VAV3: variants seen among roughly 807,000 people sequenced by gnomAD.
The protein encoded by VAV3 is vav guanine nucleotide exchange factor 3.
VAV3 carries 94 observed loss-of-function variants against 131.2 expected under a neutral mutation model. That is an observed-to-expected ratio of 0.72 (90% CI 0.61 to 0.85). The LOEUF is 0.85. Ranked by LOEUF, VAV3 falls within the 40% of genes least tolerant of loss-of-function variation. The pLI is 0.00. For synonymous variants in VAV3, 349 were observed against 342.0 expected, an observed-to-expected ratio of 1.02 and a Z score of -0.22; for missense variants, 939 against 1,002.7, an observed-to-expected ratio of 0.94 and a Z score of 0.86.
In VAV3 at chr1:107,681,944, G is replaced by A. The variant is rs560733719; in HGVS notation, c.1777+1544C>T. On this transcript the variant is annotated intron_variant, in intron 19 of 26. Transcript: ENST00000370056. ...CAAAGTGCTGGGATTACAGGCGTGA[G>A]CCACTGCACCCAGCCACGTATGTTC... Among the ~76,000 whole-genome samples the A allele has an allele frequency of 1.2e-4, 19 of 152,286 alleles. No homozygotes were observed. In the East Asian group the frequency reaches 2.5e-3, roughly 20 times the overall value.
At chr1:107,597,353 C>T (rs3790676) in intron 24 of VAV3, among the ~76,000 whole-genome samples, 110,581 of 151,952 alleles carry the variant, frequency 0.73, 40,914 homozygotes, top group Non-Finnish European at 0.8. Flanking sequence ...CAAAAATCAG[C>T]TGAAAGAAGA....
intron 1 of VAV3, among the ~76,000 whole-genome samples, chr1:107,884,405 TTTA>T (rs140793122): frequency 0.69 from 97,550 of 141,556 alleles, 33,624 homozygotes; most frequent in Non-Finnish European, 0.71. Context: ...AAATAAATTA[TTTA>T]TTATTATTAT....
chr1:107,660,148 T>A (rs1341352637), intron 19 of VAV3, among the ~76,000 whole-genome samples: 1 of 152,192 alleles, frequency 6.6e-6, no homozygotes, highest in Non-Finnish European at 1.5e-5. Flanking sequence ...TCCCAGTTTA[T>A]TCTCACTTGT....
At position 107,596,285 on chromosome 1, in the gene VAV3, A is replaced by G; in HGVS notation, c.2277T>C (p.Asp759=). Residue 759 remains aspartate (D), a synonymous_variant, in exon 25 of 27, where the codon GAT becomes GAC. Transcript: ENST00000370056. ...HSLKEGFRTL[D]TTLQFPYKEP... is the part of the protein sequence containing the mutation. ...CCTTGTATGGAAACTGCAGAGTTGTATCTAAGGTTCTGAACCCTTCCTTGA... is the reference window on the plus strand; with the variant it reads ...CCTTGTATGGAAACTGCAGAGTTGTGTCTAAGGTTCTGAACCCTTCCTTGA... The G allele has an allele frequency of 6.2e-7, 1 of 1,613,654 alleles. No individual in the cohort carries two copies. The highest frequency in any genetic ancestry group is 8.5e-7 in the Non-Finnish European group (1 of 1,179,618).
intron 2 of VAV3, among the ~76,000 whole-genome samples, chr1:107,816,162 C>G (rs558938611): frequency 6.6e-6 from 1 of 152,252 alleles, no homozygotes; most frequent in South Asian, 2.1e-4. Context: ...TTGAGGACCT[C>G]TGGCCTAACA....
intron 1 of VAV3, among the ~76,000 whole-genome samples, chr1:107,880,814 G>GA (rs150902760): frequency 0.79 from 118,610 of 150,504 alleles, 47,158 homozygotes; most frequent in African/African-American, 0.89. Flanking sequence ...AAAAAGAAAA[G>GA]AAAAAAAGCA....
At chr1:107,668,535 A>G (rs771481166) in intron 19 of VAV3, among the ~76,000 whole-genome samples, 36 of 152,232 alleles carry the variant, frequency 2.4e-4, no homozygotes, top group Non-Finnish European at 4.3e-4. Context: ...TTCCATGGCT[A>G]CTTCACCAAC....
At chr1:107,676,583 A>G (rs1268945253) in intron 19 of VAV3, among the ~76,000 whole-genome samples, 1 of 152,198 alleles carries the variant, frequency 6.6e-6, no homozygotes, top group African/African-American at 2.4e-5. Flanking sequence ...TTGGAATTCC[A>G]GTTACCTAAG....
chr1:107,581,772 C>T (rs552430353), intron 25 of VAV3, among the ~76,000 whole-genome samples: 44 of 152,266 alleles, frequency 2.9e-4, no homozygotes, highest in African/African-American at 8.2e-4. Context: ...CTGCCTTGAT[C>T]GTGCTATTAA....
At chr1:107,626,452 C>A (rs930752728) in intron 20 of VAV3, among the ~76,000 whole-genome samples, 15 of 152,118 alleles carry the variant, frequency 9.9e-5, no homozygotes, top group Non-Finnish European at 1.6e-4. Flanking sequence ...AAATACCTGT[C>A]AAAATCAAGG....
At chr1:107,814,135 A>T (rs77591951) in intron 2 of VAV3, among the ~76,000 whole-genome samples, 5,074 of 152,044 alleles carry the variant, frequency 0.033, 179 homozygotes, top group African/African-American at 0.09. Context: ...TATTCCTTTG[A>T]TATACTTTTT....
rs57204590 is a variant in VAV3 at position 107,574,996 on chromosome 1, TGC to T, written c.2351-800_2351-799del. 8.2e-3 allele frequency among the ~76,000 whole-genome samples: 402 copies of T among 49,102 alleles called. 1 individual carries two copies. Among genetic ancestry groups the T allele is most frequent in the Admixed American group, 0.014 (56 of 3,978 alleles). The allele number at this position is 49,102 out of a possible 152,430, so 32.2% of individuals were successfully genotyped here. On this transcript the variant is annotated intron_variant, in intron 25 of 26. Transcript: ENST00000370056. ...GTGTGTGTGTGTGTGTGTGTGTGCG[TGC>T]GTGCGCGCGCGCGCGCGCACACGCG...
chr1:107,925,537 G>C (rs931671439), intron 1 of VAV3, among the ~76,000 whole-genome samples: 1 of 152,028 alleles, frequency 6.6e-6, no homozygotes, highest in African/African-American at 2.4e-5. Context: ...CTACAACATG[G>C]ATAAACCTAA....
chr1:107,953,011 A>G (rs1186504202), intron 1 of VAV3, among the ~76,000 whole-genome samples: 1 of 152,170 alleles, frequency 6.6e-6, no homozygotes. Flanking sequence ...AAATAATACA[A>G]TCTCATTTTA....
At chr1:107,879,985 T>C (rs939755629) in intron 1 of VAV3, among the ~76,000 whole-genome samples, 1 of 152,194 alleles carries the variant, frequency 6.6e-6, no homozygotes, top group Admixed American at 6.5e-5. Flanking sequence ...TAGTGATTTA[T>C]TAATATATTA....
At chr1:107,760,921 A>G in intron 9 of VAV3, 42 bp from the exon 10 acceptor site, 1 of 1,460,768 alleles carries the variant, frequency 6.8e-7, no homozygotes, top group Non-Finnish European at 9.6e-7. Flanking sequence ...GGAGTCATAA[A>G]CATTAAAAGA....
chr1:107,869,861 G>A (rs1160927403), intron 2 of VAV3, among the ~76,000 whole-genome samples: 3 of 152,084 alleles, frequency 2.0e-5, no homozygotes, highest in Non-Finnish European at 4.4e-5. Flanking sequence ...CATCCTCATA[G>A]CTTAGCTCCC....
chr1:107,742,766 A>G (rs17019855), intron 15 of VAV3, among the ~76,000 whole-genome samples: 40,856 of 152,186 alleles, frequency 0.27, 5,747 homozygotes, highest in East Asian at 0.44. Context: ...GTAAAACTGA[A>G]ACGACCTCAG....
chr1:107,728,649 G>GTATATGTATATGTATATGTA (rs1465394629), intron 15 of VAV3, among the ~76,000 whole-genome samples: 7 of 148,180 alleles, frequency 4.7e-5, no homozygotes, highest in Non-Finnish European at 7.5e-5. Flanking sequence ...ATATGTATAT[G>GTATATGTATATGTATATGTA]TATTGTGTAA....
Sources: gnomAD v4.1 joint callset for allele counts (sites outside exome capture counted in the v4.1 genomes callset) on GRCh38, gnomAD v4.1.1 for gene constraint, MANE v1.5 for transcripts, NCBI Gene and HGNC (gene_info 2026-07-23, HGNC 2026-07-21) for gene names.